Variants in PLSCR4 observed in about 807,000 individuals in gnomAD.
The protein encoded by PLSCR4 is Ca(2+)-dependent phospholipid scramblase 4.
Under a neutral mutation model 36.3 loss-of-function variants are expected in PLSCR4, and 25 were observed. The observed-to-expected ratio is 0.69, with a 90% CI of 0.50 to 0.96. The LOEUF (loss-of-function observed/expected upper bound fraction) is 0.96, where lower values mean the gene tolerates loss of function less well. Among genes scored for constraint, PLSCR4 ranks in the 40% least tolerant of loss-of-function variants. The pLI is 0.00. For synonymous variants in PLSCR4, 122 were observed against 132.9 expected (o/e 0.92, Z 0.56); for missense variants, 408 against 414.7 (o/e 0.98, Z 0.14).
chr3:146,218,331 GA>G (rs2034982608), intron 3 of PLSCR4, among the ~76,000 whole-genome samples: 1 of 151,508 alleles, frequency 6.6e-6, no homozygotes, highest in Non-Finnish European at 1.5e-5. Flanking sequence ...ATTATCTCAA[GA>G]ATATTAATCA....
intron 1 of PLSCR4, among the ~76,000 whole-genome samples, chr3:146,248,851 T>C (rs1175189182): frequency 6.6e-6 from 1 of 152,198 alleles, no homozygotes; most frequent in Non-Finnish European, 1.5e-5. Context: ...TAAAAGTTTG[T>C]AAAATTATAT....
chr3:146,202,735 C>A (rs2034114962), intron 4 of PLSCR4, among the ~76,000 whole-genome samples: 1 of 152,020 alleles, frequency 6.6e-6, no homozygotes, highest in Non-Finnish European at 1.5e-5. Context: ...GTCAATCCAC[C>A]TAAAAACTGC....
intron 1 of PLSCR4, among the ~76,000 whole-genome samples, chr3:146,225,274 T>G (rs1045693743): frequency 5.3e-5 from 8 of 152,222 alleles, no homozygotes; most frequent in Admixed American, 3.9e-4. Flanking sequence ...AACCTTCAGC[T>G]AAACACAGGG....
At chr3:146,210,057 G>A (rs1423202448) in intron 3 of PLSCR4, among the ~76,000 whole-genome samples, 2 of 152,016 alleles carry the variant, frequency 1.3e-5, no homozygotes, top group African/African-American at 4.8e-5. Context: ...ATAAAATGGT[G>A]TAGTATTTAC....
chr3:146,215,023 C>T (rs1177530256), intron 3 of PLSCR4, among the ~76,000 whole-genome samples: 1 of 151,984 alleles, frequency 6.6e-6, no homozygotes, highest in Non-Finnish European at 1.5e-5. Flanking sequence ...TATAAAATGA[C>T]CATTATCTCT....
intron 3 of PLSCR4, among the ~76,000 whole-genome samples, chr3:146,208,033 G>GATACTATAAGGAC (rs1276337928): frequency 6.6e-6 from 1 of 151,946 alleles, no homozygotes; most frequent in Non-Finnish European, 1.5e-5. Flanking sequence ...GATTTCAAAT[G>GATACTATAAGGAC]ATACTATAAG....
At chr3:146,208,183 G>A (rs2034435510) in intron 3 of PLSCR4, among the ~76,000 whole-genome samples, 1 of 152,096 alleles carries the variant, frequency 6.6e-6, no homozygotes, top group African/African-American at 2.4e-5. Flanking sequence ...GTGGGGAAAG[G>A]ACACCCTATT....
chr3:146,200,011 T>C lies in PLSCR4; in HGVS notation c.426A>G (p.Arg142=). ...EMMTCFETNN[R]YDIKNNSDQM... is the part of the protein sequence containing the mutation. ...GGTCTGAGTTGTTTTTAATATCATA[T>C]CTATTATTAGTTTCAAAACATGTCA... Residue 142 remains arginine (R), a synonymous_variant, in exon 6 of 9, where the codon AGA becomes AGG. Transcript: ENST00000354952. 1 of 1,598,594 alleles carries C rather than the reference T, an allele frequency of 6.3e-7. No homozygotes were observed. The highest frequency in any genetic ancestry group is 8.6e-7 in the Non-Finnish European group (1 of 1,166,282).
At chr3:146,197,201 T>A (rs114579324) in intron 6 of PLSCR4, among the ~76,000 whole-genome samples, 637 of 152,342 alleles carry the variant, frequency 4.2e-3, no homozygotes, top group African/African-American at 0.013. Flanking sequence ...GGCACAGAGA[T>A]AAGTTGGCTT....
Position 146,195,295 on chromosome 3 carries a change from G to T in PLSCR4, c.787-13C>A, listed in dbSNP as rs1359260244. On this transcript the variant is annotated splice_polypyrimidine_tract_variant and intron_variant, in intron 7 of 8. Transcript: ENST00000354952. ...CAAGGGATTTGACCTGGAATGACAA[G>T]AATGTGCCTTTATGATGATTGAAAC... is the stretch of plus-strand genomic sequence containing the variant. The T allele has an allele frequency of 6.2e-7, 1 of 1,607,696 alleles. No individual in the cohort carries two copies. The highest frequency in any genetic ancestry group is 8.5e-7 in the Non-Finnish European group (1 of 1,174,576).
At chr3:146,197,596 A>G (rs1030572878) in intron 6 of PLSCR4, among the ~76,000 whole-genome samples, 2 of 152,190 alleles carry the variant, frequency 1.3e-5, no homozygotes, top group African/African-American at 4.8e-5. Context: ...CATTTTTTAA[A>G]AGTTTTAAAA....
chr3:146,231,323 G>A (rs79402238), intron 1 of PLSCR4, among the ~76,000 whole-genome samples: 2,550 of 152,192 alleles, frequency 0.017, 75 homozygotes, highest in African/African-American at 0.058. Context: ...AATGAATATA[G>A]AAGTGTATGT....
intron 1 of PLSCR4, among the ~76,000 whole-genome samples, chr3:146,249,640 AATTAT>A (rs1256493694): frequency 6.7e-6 from 1 of 150,336 alleles, no homozygotes; most frequent in Non-Finnish European, 1.5e-5. Context: ...AATAAGACAT[AATTAT>A]ATATTTTGTA....
Position 146,218,041 on chromosome 3 carries a change from A to T in PLSCR4, c.118+2774T>A, listed in dbSNP as rs73150837. ...AATTTTGAGAACAGCACTTTTTAAG[A>T]GTAGGGACACAGTTTTTGACAGAAA... On this transcript the variant is annotated intron_variant, in intron 3 of 8. Coordinates refer to ENST00000354952, the MANE Select transcript of PLSCR4 (RefSeq NM_020353.3). 2.6e-3 allele frequency among the ~76,000 whole-genome samples: 394 copies of T among 152,266 alleles called. 3 individuals carry two copies. Among genetic ancestry groups the T allele is most frequent in the Non-Finnish European group, 4.2e-3 (286 of 68,012 alleles).
Position 146,235,193 on chromosome 3 carries a change from T to C in PLSCR4, c.-21-13101A>G, listed in dbSNP as rs1035910444. 4.6e-5 allele frequency among the ~76,000 whole-genome samples: 7 copies of C among 152,296 alleles called. No homozygotes were observed. The East Asian group carries it at 1.4e-3, about 29-fold the overall frequency. On this transcript the variant is annotated intron_variant, in intron 1 of 8. Coordinates refer to ENST00000354952, the MANE Select transcript of PLSCR4 (RefSeq NM_020353.3). ...GCTCTGTGTCCCCACCCAAATCTCA[T>C]GTTGAAATGTCATCCTCAATGCTGG...
At chr3:146,245,147 T>C (rs780282388) in intron 1 of PLSCR4, among the ~76,000 whole-genome samples, 4 of 152,084 alleles carry the variant, frequency 2.6e-5, no homozygotes, top group Admixed American at 6.6e-5. Flanking sequence ...TGCAGTCTCA[T>C]GATAAAGCTT....
chr3:146,195,039 A>C, intron 8 of PLSCR4, 85 bp downstream of exon 8: 8 of 1,219,324 alleles, frequency 6.6e-6, no homozygotes, highest in Non-Finnish European at 9.3e-6. Context: ...GATTGGTTTC[A>C]AGGCTTATTC....
intron 1 of PLSCR4, among the ~76,000 whole-genome samples, chr3:146,240,456 T>G (rs1258326015): frequency 6.6e-6 from 1 of 151,438 alleles, no homozygotes; most frequent in Non-Finnish European, 1.5e-5. Flanking sequence ...AAAATAAACA[T>G]TAGCTGAGCA....
chr3:146,236,592 G>A (rs1576493216), intron 1 of PLSCR4, among the ~76,000 whole-genome samples: 1 of 152,106 alleles, frequency 6.6e-6, no homozygotes. Flanking sequence ...ATAAGGGGAA[G>A]TTTCCCTGCA....
Sources: allele counts gnomAD v4.1 joint callset (sites outside exome capture counted in the v4.1 genomes callset), GRCh38; gene constraint gnomAD v4.1.1; transcripts MANE v1.5; gene names NCBI Gene and HGNC (gene_info 2026-07-23, HGNC 2026-07-21).